C3orf70: variants seen among roughly 807,000 people sequenced by gnomAD.
C3orf70 encodes chromosome 3 open reading frame 70.
In C3orf70, 15 loss-of-function variants were observed where a neutral mutation model predicts 20.7. The ratio of observed to expected loss-of-function variants is 0.72; its 90% confidence interval spans 0.48 to 1.11. The LOEUF is 1.11. Among genes scored for constraint, C3orf70 ranks in the 50% most tolerant of loss-of-function variants. The pLI is 0.00. For missense variants in C3orf70, 332 were observed against 317.6 expected (o/e 1.05, Z -0.34); for synonymous variants, 161 against 125.7 (o/e 1.28, Z -1.88).
chr3:185,140,501 C>T (rs903888231), intron 1 of C3orf70, among the ~76,000 whole-genome samples: 7 of 152,156 alleles, frequency 4.6e-5, no homozygotes, highest in African/African-American at 1.7e-4. Context: ...AATCAGTCAT[C>T]AATACACACC....
At chr3:185,143,480 C>A (rs1716798101) in intron 1 of C3orf70, among the ~76,000 whole-genome samples, 1 of 152,148 alleles carries the variant, frequency 6.6e-6, no homozygotes, top group Non-Finnish European at 1.5e-5. Context: ...AAGAATTTGT[C>A]CTACTTGGGA....
chr3:185,111,278 A>G (rs1045476088), intron 1 of C3orf70, among the ~76,000 whole-genome samples: 3 of 152,244 alleles, frequency 2.0e-5, no homozygotes, highest in Non-Finnish European at 4.4e-5. Flanking sequence ...GCTTCAAAAG[A>G]TACCATCAAG....
At position 185,091,945 on chromosome 3, in the gene C3orf70, ATATATATATATATATATAT is replaced by A. The variant is rs1715592987; in HGVS notation, c.197-8401_197-8383del. On this transcript the variant is annotated intron_variant, in intron 1 of 1. Coordinates refer to ENST00000335012, the MANE Select transcript of C3orf70 (RefSeq NM_001025266.3). ...TATATATATATATATATATATATAT[ATATATATATATATATATAT>A]TTTTTTTTTTTTTTAGTAGAGACAG... 1.4e-3 allele frequency among the ~76,000 whole-genome samples: 10 copies of A among 6,924 alleles called. 1 individual carries two copies. The highest frequency in any genetic ancestry group is 5.3e-3 in the African/African-American group (8 of 1,508). The allele number at this position is 6,924 out of a possible 152,430, so 4.5% of individuals were successfully genotyped here. A position where few individuals can be genotyped will look rare whatever the true frequency, so the allele number is the denominator to read the frequency against.
At chr3:185,140,786 T>TAAA (rs34759953) in intron 1 of C3orf70, among the ~76,000 whole-genome samples, 2 of 94,232 alleles carry the variant, frequency 2.1e-5, no homozygotes, top group African/African-American at 8.1e-5. Flanking sequence ...CCGTCTCTAC[T>TAAA]AAAAAAAAAA....
At chr3:185,150,489 T>C (rs1716969400) in intron 1 of C3orf70, among the ~76,000 whole-genome samples, 1 of 150,186 alleles carries the variant, frequency 6.7e-6, no homozygotes, top group Non-Finnish European at 1.5e-5. Flanking sequence ...TCAGTACCTG[T>C]GTCCAAAAAT....
At chr3:185,114,210 A>G (rs1716132227) in intron 1 of C3orf70, among the ~76,000 whole-genome samples, 1 of 152,170 alleles carries the variant, frequency 6.6e-6, no homozygotes, top group Admixed American at 6.5e-5. Flanking sequence ...CACCCCCCAA[A>G]AAAAGAAAAT....
intron 1 of C3orf70, among the ~76,000 whole-genome samples, chr3:185,128,859 C>G (rs147394612): frequency 3.3e-5 from 5 of 152,260 alleles, no homozygotes; most frequent in African/African-American, 1.2e-4. Flanking sequence ...AAGGTGCTTT[C>G]TTTCTTAAGT....
At chr3:185,084,237 T>G (rs1184391932) in intron 1 of C3orf70, among the ~76,000 whole-genome samples, 1 of 152,148 alleles carries the variant, frequency 6.6e-6, no homozygotes, top group Admixed American at 6.5e-5. Context: ...AAATTATAAT[T>G]CCATGTTTAT....
chr3:185,134,116 C>CATATATATATATATATATATATATAT (rs1553921592), intron 1 of C3orf70, among the ~76,000 whole-genome samples: 2 of 134,666 alleles, frequency 1.5e-5, no homozygotes, highest in African/African-American at 5.4e-5. Flanking sequence ...AAAAATACAT[C>CATATATATATATATATATATATATAT]ATATATATAT....
chr3:185,110,520 C>T (rs1009076312), intron 1 of C3orf70, among the ~76,000 whole-genome samples: 6 of 151,806 alleles, frequency 4.0e-5, no homozygotes, highest in Admixed American at 1.3e-4. Flanking sequence ...ATTTGCAAAT[C>T]GAATAAGGGG....
chr3:185,111,383 G>A (rs753092240), intron 1 of C3orf70, among the ~76,000 whole-genome samples: 2 of 152,096 alleles, frequency 1.3e-5, no homozygotes, highest in Non-Finnish European at 2.9e-5. Flanking sequence ...AGAACTCTTA[G>A]AATTCAATAA....
At chr3:185,110,122 G>C (rs1277678032) in intron 1 of C3orf70, among the ~76,000 whole-genome samples, 1 of 152,196 alleles carries the variant, frequency 6.6e-6, no homozygotes, top group Non-Finnish European at 1.5e-5. Context: ...AACCTCATAT[G>C]ATATGGCCCG....
intron 1 of C3orf70, among the ~76,000 whole-genome samples, chr3:185,110,477 C>T (rs1716048429): frequency 6.6e-6 from 1 of 152,204 alleles, no homozygotes; most frequent in African/African-American, 2.4e-5. Context: ...CGAGAAGTAG[C>T]TCACCATGAC....
chr3:185,130,110 T>C (rs1229475709), intron 1 of C3orf70, among the ~76,000 whole-genome samples: 1 of 152,200 alleles, frequency 6.6e-6, no homozygotes, highest in Non-Finnish European at 1.5e-5. Flanking sequence ...TTGTCAATTA[T>C]TCACAAATTC....
rs967853532 is a variant in C3orf70 at position 185,077,326 on chromosome 3, C to T, written c.*5681G>A. On this transcript the variant is annotated 3_prime_UTR_variant, in exon 2 of 2. Transcript: ENST00000335012. ...GTGCGGACTCTAGAGCCAAAGTGAC[C>T]GGGTTCAAACCCTGACTGCCACTCA... 7.9e-5 allele frequency among the ~76,000 whole-genome samples: 12 copies of T among 152,044 alleles called. No homozygotes were observed. Among genetic ancestry groups the T allele is most frequent in the African/African-American group, 2.7e-4 (11 of 41,386 alleles).
At chr3:185,089,963 T>C (rs1373687842) in intron 1 of C3orf70, among the ~76,000 whole-genome samples, 2 of 152,218 alleles carry the variant, frequency 1.3e-5, no homozygotes, top group Non-Finnish European at 2.9e-5. Context: ...AATGAAACAC[T>C]AACAAAGATT....
At chr3:185,105,970 T>C (rs1032806191) in intron 1 of C3orf70, among the ~76,000 whole-genome samples, 2 of 152,168 alleles carry the variant, frequency 1.3e-5, no homozygotes, top group African/African-American at 4.8e-5. Context: ...ACAGAGCATA[T>C]TTATTTACCA....
chr3:185,151,428 A>G (rs1716987073), intron 1 of C3orf70, among the ~76,000 whole-genome samples: 2 of 152,200 alleles, frequency 1.3e-5, no homozygotes, highest in Admixed American at 6.5e-5. Flanking sequence ...ACCGTGAAGC[A>G]ATGCTTTATA....
At chr3:185,085,221 CCTAGG>C (rs1270994114) in intron 1 of C3orf70, among the ~76,000 whole-genome samples, 1 of 152,124 alleles carries the variant, frequency 6.6e-6, no homozygotes, top group Non-Finnish European at 1.5e-5. Context: ...GACTGGAAAT[CCTAGG>C]ACAGGAATCA....
Sources: allele counts gnomAD v4.1 joint callset (sites outside exome capture counted in the v4.1 genomes callset), GRCh38; gene constraint gnomAD v4.1.1; transcripts MANE v1.5; gene names NCBI Gene and HGNC (gene_info 2026-07-23, HGNC 2026-07-21).